The following SNX29 variants were observed in gnomAD, a reference collection of about 807,000 sequenced individuals.
SNX29 encodes sorting nexin-29.
A neutral mutation model predicts 102.1 loss-of-function variants in SNX29; 78 were observed. The observed-to-expected ratio is 0.76, with a 90% confidence interval of 0.64 to 0.92. The LOEUF is 0.92. Among genes scored for constraint, SNX29 ranks in the 40% least tolerant of loss-of-function variants. The pLI, the probability that SNX29 is intolerant of heterozygous loss-of-function variation, is 0.00. For missense variants in SNX29, 1,280 were observed against 1,061.7 expected (o/e 1.21, Z -2.86); for synonymous variants, 580 against 414.5 (o/e 1.40, Z -4.85).
chr16:12,115,522 T>TGTGTGA (rs1337034805), intron 11 of SNX29, among the ~76,000 whole-genome samples: 1 of 149,846 alleles, frequency 6.7e-6, no homozygotes, highest in Non-Finnish European at 1.5e-5. Context: ...TGTGTGTGTG[T>TGTGTGA]GGTGCTGGGT....
intron 13 of SNX29, among the ~76,000 whole-genome samples, chr16:12,145,201 T>TA (rs74268785): frequency 0.037 from 5,237 of 143,246 alleles, 161 homozygotes; most frequent in East Asian, 0.22. Context: ...TTTTCATACT[T>TA]AAAAAAAAAA....
intron 13 of SNX29, among the ~76,000 whole-genome samples, chr16:12,141,482 A>T (rs1166191669): frequency 2.6e-5 from 4 of 152,256 alleles, no homozygotes; most frequent in Admixed American, 2.6e-4. Flanking sequence ...GAAGCAAAAG[A>T]AGGGCTACTC....
intron 18 of SNX29, among the ~76,000 whole-genome samples, chr16:12,408,091 G>A (rs2084240111): frequency 1.3e-5 from 2 of 151,898 alleles, no homozygotes; most frequent in Non-Finnish European, 2.9e-5. Context: ...CCAGGAGTTT[G>A]AGATTGCACT....
chr16:11,977,496 G>T (rs405907), intron 1 of SNX29: 134,074 of 152,396 alleles, frequency 0.88, 59,386 homozygotes, highest in South Asian at 0.94. Flanking sequence ...TTCCATCCTT[G>T]TCCATGTCTT....
intron 15 of SNX29, among the ~76,000 whole-genome samples, chr16:12,298,707 C>T (rs554787066): frequency 2.6e-5 from 4 of 152,302 alleles, no homozygotes; most frequent in Middle Eastern, 3.4e-3. Context: ...CTGCTGCCTC[C>T]CATGGCTGGG....
intron 16 of SNX29, among the ~76,000 whole-genome samples, chr16:12,382,212 TA>T (rs1266086447): frequency 1.3e-5 from 2 of 152,110 alleles, no homozygotes; most frequent in African/African-American, 2.4e-5. Flanking sequence ...CAATTTTCAT[TA>T]CTCCACCAGC....
In SNX29 at chr16:12,195,350, G is replaced by A. The variant is rs554675011; in HGVS notation, c.1596-4251G>A. ...ATATTCAAAGCATCCTCATGCATATGGTTTTGAGACTTCTCTTTCTTTTCT... is the reference window on the plus strand; with the variant it reads ...ATATTCAAAGCATCCTCATGCATATAGTTTTGAGACTTCTCTTTCTTTTCT... On this transcript the variant is annotated intron_variant, in intron 13 of 20. Transcript: ENST00000566228. Among the ~76,000 whole-genome samples, 195 of 152,294 alleles carry A rather than the reference G, an allele frequency of 1.3e-3. 5 individuals carry two copies. In the South Asian group the frequency reaches 0.02, roughly 16 times the overall value.
chr16:12,332,811 G>A (rs1231549701), intron 15 of SNX29, among the ~76,000 whole-genome samples: 1 of 152,058 alleles, frequency 6.6e-6, no homozygotes, highest in Non-Finnish European at 1.5e-5. Context: ...GGTCCTGTCT[G>A]CTCCTCTTTC....
At chr16:12,493,886 C>G (rs1371809324) in intron 19 of SNX29, among the ~76,000 whole-genome samples, 1 of 152,192 alleles carries the variant, frequency 6.6e-6, no homozygotes, top group Non-Finnish European at 1.5e-5. Context: ...GCCACCGCAC[C>G]CAGCCCTCAT....
intron 13 of SNX29, among the ~76,000 whole-genome samples, chr16:12,184,864 C>T (rs1567288961): frequency 6.6e-6 from 1 of 152,194 alleles, no homozygotes; most frequent in East Asian, 1.9e-4. Context: ...TTTGCTGTAT[C>T]AACTCTTGCA....
At chr16:12,512,207 C>T (rs1212771945) in intron 19 of SNX29, among the ~76,000 whole-genome samples, 1 of 150,426 alleles carries the variant, frequency 6.6e-6, no homozygotes, top group East Asian at 2.0e-4. Flanking sequence ...GTGTGAGCAT[C>T]TCCTTGGTGG....
At chr16:12,409,325 A>C (rs1172328433) in intron 18 of SNX29, among the ~76,000 whole-genome samples, 1 of 152,114 alleles carries the variant, frequency 6.6e-6, no homozygotes, top group African/African-American at 2.4e-5. Context: ...TGACAGAGTT[A>C]AATTTGTTGT....
chr16:11,983,623 A>G (rs1567491498), intron 1 of SNX29: 1 of 985,160 alleles, frequency 1.0e-6, no homozygotes, highest in Middle Eastern at 5.2e-4. Context: ...CCATCAGCAA[A>G]CAGTTGACCC....
chr16:12,135,950 T>G (rs1012368972), intron 13 of SNX29, among the ~76,000 whole-genome samples: 2 of 152,212 alleles, frequency 1.3e-5, no homozygotes, highest in Non-Finnish European at 2.9e-5. Flanking sequence ...GGGAGCCCCT[T>G]GGACTGCTTC....
At chr16:12,188,527 A>G (rs750831934) in intron 13 of SNX29, among the ~76,000 whole-genome samples, 1 of 152,018 alleles carries the variant, frequency 6.6e-6, no homozygotes, top group Non-Finnish European at 1.5e-5. Flanking sequence ...TTCCCATTGC[A>G]CCCAGGATAT....
chr16:12,296,262 G>A (rs2079977704), intron 15 of SNX29, among the ~76,000 whole-genome samples: 1 of 152,166 alleles, frequency 6.6e-6, no homozygotes, highest in South Asian at 2.1e-4. Flanking sequence ...GTATTTTAAA[G>A]CAAAGTGGTG....
chr16:12,003,308 T>G (rs995436879), intron 3 of SNX29, among the ~76,000 whole-genome samples: 4 of 152,224 alleles, frequency 2.6e-5, no homozygotes, highest in Non-Finnish European at 4.4e-5. Flanking sequence ...TCGAGATACC[T>G]TTCCATATAA....
intron 15 of SNX29, among the ~76,000 whole-genome samples, chr16:12,289,003 C>T (rs2079701106): frequency 1.3e-5 from 2 of 152,202 alleles, no homozygotes; most frequent in African/African-American, 4.8e-5. Flanking sequence ...ACTTTTAGTT[C>T]TAAGTGGAGC....
intron 14 of SNX29, among the ~76,000 whole-genome samples, chr16:12,218,529 G>A (rs1015752164): frequency 6.6e-6 from 1 of 152,186 alleles, no homozygotes; most frequent in Non-Finnish European, 1.5e-5. Flanking sequence ...GAGACCTGTG[G>A]CCTGCAAACC....
Sources: gnomAD v4.1 joint callset for allele counts (sites outside exome capture counted in the v4.1 genomes callset) on GRCh38, gnomAD v4.1.1 for gene constraint, MANE v1.5 for transcripts, NCBI Gene and HGNC (gene_info 2026-07-23, HGNC 2026-07-21) for gene names.